Variants in KATNIP observed in about 807,000 individuals in gnomAD.
KATNIP encodes the protein katanin-interacting protein.
In KATNIP, 126 loss-of-function variants were observed where a neutral mutation model predicts 174.0. The observed-to-expected ratio is 0.72, with a 90% CI of 0.63 to 0.84. KATNIP has a LOEUF of 0.84. Ranked by LOEUF, KATNIP falls within the 40% of genes least tolerant of loss-of-function variation. The pLI, the probability that KATNIP is intolerant of heterozygous loss-of-function variation, is 0.00. For synonymous variants in KATNIP, 810 were observed against 835.7 expected (o/e 0.97, Z 0.53); for missense variants, 1,958 against 2,109.7 (o/e 0.93, Z 1.41).
chr16:27,742,096 A>C (rs1211162355), intron 15 of KATNIP, among the ~76,000 whole-genome samples: 1 of 151,682 alleles, frequency 6.6e-6, no homozygotes, highest in African/African-American at 2.4e-5. Context: ...TGAACTTTGC[A>C]GTAGATGATT....
At chr16:27,550,712 A>T (rs1004017201) in intron 1 of KATNIP, among the ~76,000 whole-genome samples, 2 of 152,176 alleles carry the variant, frequency 1.3e-5, no homozygotes, top group African/African-American at 4.8e-5. Flanking sequence ...TAAGCTTCAT[A>T]CCAGCCTTTT....
chr16:27,713,816 A>ATGTGTGTGTGTGTGTGTGTGTGTGTG, intron 13 of KATNIP, among the ~76,000 whole-genome samples: 1 of 28,024 alleles, frequency 3.6e-5, no homozygotes, highest in African/African-American at 2.3e-4. Flanking sequence ...ATACATATAT[A>ATGTGTGTGTGTGTGTGTGTGTGTGTG]TATATATATA....
chr16:27,657,417 C>G (rs1031203368), intron 6 of KATNIP, among the ~76,000 whole-genome samples: 15 of 152,054 alleles, frequency 9.9e-5, no homozygotes, highest in Admixed American at 2.6e-4. Flanking sequence ...TAGAACTAAG[C>G]ATCACCAAAA....
At chr16:27,769,207 C>T (rs1285626852) in intron 20 of KATNIP, among the ~76,000 whole-genome samples, 2 of 152,228 alleles carry the variant, frequency 1.3e-5, no homozygotes, top group Non-Finnish European at 2.9e-5. Flanking sequence ...CCAGCCAGAA[C>T]CTCTGCCATA....
chr16:27,614,798 G>A (rs1360734672), intron 2 of KATNIP, among the ~76,000 whole-genome samples: 1 of 152,112 alleles, frequency 6.6e-6, no homozygotes, highest in Non-Finnish European at 1.5e-5. Context: ...GAGGGAAGTC[G>A]GGAAGGAAAA....
chr16:27,741,936 G>T (rs1441589659), intron 15 of KATNIP, among the ~76,000 whole-genome samples: 1 of 151,452 alleles, frequency 6.6e-6, no homozygotes, highest in Admixed American at 6.6e-5. Flanking sequence ...CACTGTACCA[G>T]ACCTCCTCTT....
Position 27,677,820 on chromosome 16 carries a change from T to TA in KATNIP, c.633dup (p.Leu212ThrfsTer3), listed in dbSNP as rs1039731890. 1.7e-5 allele frequency: 27 copies of TA among 1,614,068 alleles called. No individual in the cohort carries two copies. The highest frequency in any genetic ancestry group is 2.3e-5 in the Non-Finnish European group (27 of 1,180,040). ...GAGTATGACTCTATTGAGGAAGACA[T>TA]ACTCTCTGAGCCTGAGCCAGAGGAC... On this transcript the variant is annotated frameshift_variant, in exon 7 of 28. Transcript: ENST00000261588. LOFTEE classifies it high-confidence loss of function.
chr16:27,630,994 A>G, intron 4 of KATNIP, 71 bp from the exon 5 acceptor site: 1 of 1,273,342 alleles, frequency 7.9e-7, no homozygotes, highest in Non-Finnish European at 1.1e-6. Context: ...GACATGAGTT[A>G]CAAACCAACC....
chr16:27,684,780 C>G (rs949725003), intron 8 of KATNIP, among the ~76,000 whole-genome samples: 1 of 152,158 alleles, frequency 6.6e-6, no homozygotes, highest in African/African-American at 2.4e-5. Context: ...ACATGGTATT[C>G]TCCATGTATG....
At chr16:27,662,095 C>CAT (rs71137801) in intron 6 of KATNIP, among the ~76,000 whole-genome samples, 2,352 of 38,278 alleles carry the variant, frequency 0.061, 527 homozygotes, top group Middle Eastern at 0.087. Flanking sequence ...TATACACATA[C>CAT]ATATATATAT....
At chr16:27,762,721 C>T (rs931286185) in intron 19 of KATNIP, among the ~76,000 whole-genome samples, 29 of 152,198 alleles carry the variant, frequency 1.9e-4, no homozygotes, top group African/African-American at 6.8e-4. Flanking sequence ...GGCCCTGAAC[C>T]GTGGCCTCAC....
At chr16:27,568,906 G>C (rs2090184539) in intron 1 of KATNIP, among the ~76,000 whole-genome samples, 1 of 151,996 alleles carries the variant, frequency 6.6e-6, no homozygotes, top group South Asian at 2.1e-4. Context: ...AGACTCGATG[G>C]GAGTGAGGGT....
chr16:27,766,254 A>T, intron 19 of KATNIP, 55 bp from the exon 20 acceptor site: 1 of 1,590,186 alleles, frequency 6.3e-7, no homozygotes, highest in Non-Finnish European at 8.6e-7. Flanking sequence ...CCCCACTGTG[A>T]TGCCTCCTGT....
Position 27,773,084 on chromosome 16 carries a change from A to C in KATNIP, c.4199-15A>C. ...AAAAAAATTAAGCCTTCTTTTCCTT[A>C]ATAAAGTGTCCCAGTCATTTTCCAG... On this transcript the variant is annotated splice_polypyrimidine_tract_variant and intron_variant, in intron 22 of 27. Transcript: ENST00000261588. 1 of 1,505,460 alleles carries C rather than the reference A, an allele frequency of 6.6e-7. No homozygotes were observed. The highest frequency in any genetic ancestry group is 2.3e-5 in the East Asian group (1 of 44,056). The allele number at this position is 1,505,460 out of a possible 1,614,324, so 93.3% of individuals were successfully genotyped here.
At chr16:27,741,176 C>A (rs938793201) in intron 15 of KATNIP, among the ~76,000 whole-genome samples, 58 of 152,220 alleles carry the variant, frequency 3.8e-4, no homozygotes, top group Admixed American at 3.8e-3. Context: ...GCCCATTTTT[C>A]TTGCAACACA....
rs1290323422 is a variant in KATNIP, at chr16:27,775,019, A to G, written c.4384A>G (p.Ile1462Val). The G allele has an allele frequency of 1.9e-6, 3 of 1,612,824 alleles. No homozygotes were observed. In the East Asian group the frequency reaches 6.7e-5, roughly 36 times the overall value. ...GGDVRTPDKL[I>V]DQVNDTSDGR... is the part of the protein sequence containing the mutation. ...GGACGTCCGCACCCCAGACAAGCTC[A>G]TCGACCAAGTGAACGACACCAGTGA... The change falls in exon 24 of 28, where the codon ATC becomes GTC. Residue 1462 changes from isoleucine to valine, a missense_variant. Coordinates refer to ENST00000261588, the MANE Select transcript of KATNIP (RefSeq NM_015202.5).
intron 3 of KATNIP, among the ~76,000 whole-genome samples, chr16:27,627,328 A>G (rs2076364080): frequency 2.0e-5 from 3 of 152,224 alleles, no homozygotes; most frequent in Non-Finnish European, 2.9e-5. Flanking sequence ...TAGTGCAGAA[A>G]TGCTGTTCAG....
rs191652901 is a variant in KATNIP, at chr16:27,713,385, T to A, written c.1605+4465T>A. On this transcript the variant is annotated intron_variant, in intron 13 of 27. Coordinates refer to ENST00000261588, the MANE Select transcript of KATNIP (RefSeq NM_015202.5). The stretch of plus-strand genomic sequence containing the variant: ...TGACTGTGTCCCCACCCAAATCTCA[T>A]CTTGAATTGTAAAAATATCCACATG... Among the ~76,000 whole-genome samples, 3 of 152,122 alleles carry A rather than the reference T, an allele frequency of 2.0e-5. No homozygotes were observed. The East Asian group carries it at 5.8e-4, about 30-fold the overall frequency.
intron 15 of KATNIP, among the ~76,000 whole-genome samples, chr16:27,745,555 G>A (rs551643278): frequency 8.7e-4 from 133 of 152,348 alleles, no homozygotes; most frequent in African/African-American, 2.9e-3. Context: ...TATGGCCAAA[G>A]GGTGATTCAC....
Sources: gnomAD v4.1 joint callset for allele counts (sites outside exome capture counted in the v4.1 genomes callset) on GRCh38, gnomAD v4.1.1 for gene constraint, MANE v1.5 for transcripts, NCBI Gene and HGNC (gene_info 2026-07-23, HGNC 2026-07-21) for gene names.